MAGI2: variants seen among roughly 807,000 people sequenced by gnomAD.
MAGI2 encodes the protein membrane-associated guanylate kinase, WW and PDZ domain-containing protein 2.
A neutral mutation model predicts 133.3 loss-of-function variants in MAGI2; 35 were observed. The observed-to-expected ratio is 0.26, with a 90% confidence interval of 0.20 to 0.35. The LOEUF is 0.35. MAGI2 is among the 10% of genes least tolerant of loss of function. The pLI is 1.00. For synonymous variants in MAGI2, 729 were observed against 710.6 expected (o/e 1.03, Z -0.41); for missense variants, 1,636 against 1,863.4 (o/e 0.88, Z 2.25).
At chr7:78,069,448 T>A (rs551625686) in intron 21 of MAGI2, among the ~76,000 whole-genome samples, 1 of 151,686 alleles carries the variant, frequency 6.6e-6, no homozygotes, top group African/African-American at 2.4e-5. Context: ...GGCTGAATCA[T>A]TTCTCTAAGA....
intron 2 of MAGI2, among the ~76,000 whole-genome samples, chr7:78,965,386 G>T (rs184583497): frequency 6.6e-6 from 1 of 151,660 alleles, no homozygotes; most frequent in African/African-American, 2.4e-5. Context: ...GAAAATTGTT[G>T]GAGCACATTT....
chr7:79,423,081 T>C (rs1480492106), intron 1 of MAGI2, among the ~76,000 whole-genome samples: 4 of 152,100 alleles, frequency 2.6e-5, no homozygotes, highest in African/African-American at 9.7e-5. Flanking sequence ...CCATAATTTG[T>C]ATGTCGTGTA....
At chr7:79,397,023 A>G (rs1353405774) in intron 1 of MAGI2, among the ~76,000 whole-genome samples, 1 of 151,644 alleles carries the variant, frequency 6.6e-6, no homozygotes, top group Admixed American at 6.6e-5. Context: ...AAATGCAAAC[A>G]TTTTTTCTTA....
rs542907298 is a variant in MAGI2, at chr7:78,997,661, G to A, written c.418+9429C>T. The stretch of plus-strand genomic sequence containing the variant: ...TGTATTTCTTAAAACAGAATTGACT[G>A]TTGATCACATATCAGTCTTACCTTT... On this transcript the variant is annotated intron_variant, in intron 2 of 21. Transcript: ENST00000354212. Among the ~76,000 whole-genome samples the A allele has an allele frequency of 3.8e-4, 57 of 149,212 alleles. No homozygotes were observed. The South Asian group carries it at 0.011, about 30-fold the overall frequency.
chr7:78,156,635 ATG>A (rs1824414136), intron 16 of MAGI2, among the ~76,000 whole-genome samples: 2 of 152,134 alleles, frequency 1.3e-5, no homozygotes, highest in Non-Finnish European at 2.9e-5. Flanking sequence ...CAAAGAGGTC[ATG>A]TAACTTCCTC....
chr7:79,137,097 G>A (rs1438775262), intron 1 of MAGI2, among the ~76,000 whole-genome samples: 2 of 151,962 alleles, frequency 1.3e-5, no homozygotes, highest in African/African-American at 4.8e-5. Context: ...AGGCTAAACT[G>A]AGGCTTGACT....
At position 78,177,339 on chromosome 7, in the gene MAGI2, A is replaced by G. The variant is rs184409419; in HGVS notation, c.2403+672T>C. 5.8e-3 allele frequency among the ~76,000 whole-genome samples: 879 copies of G among 152,202 alleles called. 9 individuals are homozygous for G. The highest frequency in any genetic ancestry group is 0.017 in the Middle Eastern group (5 of 294). ...AGTGTTTTATAGCTTATATTTTAACATATGCTCATAAATCTAGCCTTGCTG... is the reference window on the plus strand; with the variant it reads ...AGTGTTTTATAGCTTATATTTTAACGTATGCTCATAAATCTAGCCTTGCTG... On this transcript the variant is annotated intron_variant, in intron 14 of 21. Transcript: ENST00000354212.
At chr7:78,373,276 G>A (rs1208515263) in intron 6 of MAGI2, among the ~76,000 whole-genome samples, 2 of 152,194 alleles carry the variant, frequency 1.3e-5, no homozygotes, top group Non-Finnish European at 2.9e-5. Context: ...ATGGAGACAT[G>A]ATGACTAAAT....
Position 78,365,926 on chromosome 7 carries a change from C to A in MAGI2, c.1103+3230G>T, listed in dbSNP as rs546403186. ...TTACACTGATTTCAATCTGATGTCA[C>A]AGAGCCCAACCTGTAACTTCTGTTC... On this transcript the variant is annotated intron_variant, in intron 7 of 21. Transcript: ENST00000354212. Among the ~76,000 whole-genome samples, 67 of 152,330 alleles carry A rather than the reference C, an allele frequency of 4.4e-4. 3 individuals are homozygous for A. The South Asian group carries it at 0.014, about 31-fold the overall frequency.
At chr7:78,309,093 T>G (rs1399529824) in intron 9 of MAGI2, among the ~76,000 whole-genome samples, 1 of 152,214 alleles carries the variant, frequency 6.6e-6, no homozygotes, top group Non-Finnish European at 1.5e-5. Context: ...TTGGTGGGAA[T>G]GTAAATCAGT....
At chr7:78,685,975 C>T (rs77425097) in intron 2 of MAGI2, among the ~76,000 whole-genome samples, 9 of 141,578 alleles carry the variant, frequency 6.4e-5, no homozygotes, top group South Asian at 2.2e-4. Flanking sequence ...TTTTTCTTTT[C>T]TTTTTTTTTT....
rs1487684868 is a variant in MAGI2, at chr7:79,072,565, G to C, written c.302-65359C>G. 1.3e-5 allele frequency among the ~76,000 whole-genome samples: 2 copies of C among 152,078 alleles called. 1 individual carries two copies. Among genetic ancestry groups the C allele is most frequent in the African/African-American group, 4.8e-5 (2 of 41,410 alleles). On this transcript the variant is annotated intron_variant, in intron 1 of 21. Transcript: ENST00000354212. The stretch of plus-strand genomic sequence containing the variant: ...AGAAAGGTAAATCATAGGAACTGAT[G>C]ATATCAACAATCAGAAAATATTGCT...
At chr7:79,440,314 A>G (rs1200854275) in intron 1 of MAGI2, among the ~76,000 whole-genome samples, 2 of 152,126 alleles carry the variant, frequency 1.3e-5, no homozygotes, top group Non-Finnish European at 2.9e-5. Context: ...TAAAAACTAC[A>G]TAATTTTAAA....
intron 2 of MAGI2, among the ~76,000 whole-genome samples, chr7:78,827,853 C>G (rs767877466): frequency 1.8e-4 from 27 of 151,976 alleles, no homozygotes; most frequent in Non-Finnish European, 3.4e-4. Flanking sequence ...GTATATCACC[C>G]TTGAGGAGGT....
chr7:78,868,027 A>T (rs2151515057), intron 2 of MAGI2, among the ~76,000 whole-genome samples: 1 of 152,306 alleles, frequency 6.6e-6, no homozygotes, highest in Middle Eastern at 3.4e-3. Flanking sequence ...GATTTTTAAC[A>T]AATGGAGAGC....
At chr7:78,546,779 A>G (rs1352530504) in intron 3 of MAGI2, among the ~76,000 whole-genome samples, 4 of 152,208 alleles carry the variant, frequency 2.6e-5, no homozygotes, top group East Asian at 1.9e-4. Context: ...TTTGTGCCAC[A>G]TAGTAGCTAT....
In MAGI2 at chr7:78,974,620, A is replaced by G. The variant is rs1804077137; in HGVS notation, c.418+32470T>C. Among the ~76,000 whole-genome samples the G allele has an allele frequency of 2.0e-5, 3 of 151,828 alleles. No homozygotes were observed. In the South Asian group the frequency reaches 6.2e-4, roughly 31 times the overall value. On this transcript the variant is annotated intron_variant, in intron 2 of 21. Transcript: ENST00000354212. ...AATATTAACTCTTCATTTTTAGCAC[A>G]TTGGAAAATATAGAGTATGTCTTCT...
At chr7:78,477,789 T>C (rs1214802615) in intron 6 of MAGI2, among the ~76,000 whole-genome samples, 2 of 151,974 alleles carry the variant, frequency 1.3e-5, no homozygotes, top group East Asian at 1.9e-4. Context: ...GTAAATTATA[T>C]GACAATTAAA....
intron 1 of MAGI2, among the ~76,000 whole-genome samples, chr7:79,059,099 C>A (rs2117053409): frequency 6.6e-6 from 1 of 151,948 alleles, no homozygotes; most frequent in South Asian, 2.1e-4. Flanking sequence ...GCAAAAACTG[C>A]AATTACTTTT....
Sources: gnomAD v4.1 joint callset for allele counts (sites outside exome capture counted in the v4.1 genomes callset) on GRCh38, gnomAD v4.1.1 for gene constraint, MANE v1.5 for transcripts, NCBI Gene and HGNC (gene_info 2026-07-23, HGNC 2026-07-21) for gene names.